Variants in CLCNKA observed in about 807,000 individuals in gnomAD.
CLCNKA encodes chloride voltage-gated channel Ka.
A neutral mutation model predicts 83.3 loss-of-function variants in CLCNKA; 66 were observed. The observed-to-expected ratio is 0.79, with a 90% CI of 0.65 to 0.97. CLCNKA has a LOEUF of 0.97. Among genes scored for constraint, CLCNKA ranks in the 50% least tolerant of loss-of-function variants. The pLI is 0.00. For missense variants in CLCNKA, 806 were observed against 888.7 expected, an observed-to-expected ratio of 0.91 and a Z score of 1.18; for synonymous variants, 357 against 370.4, an observed-to-expected ratio of 0.96 and a Z score of 0.42.
At chr1:16,025,993 A>G in intron 4 of CLCNKA, 115 bp from the exon 5 acceptor site, 1 of 1,398,040 alleles carries the variant, frequency 7.2e-7, no homozygotes. Flanking sequence ...TGACCTCGCG[A>G]TCCGCCTGCC....
rs1183177178 is a variant in CLCNKA, at chr1:16,030,646, C to T, written c.1594C>T (p.Leu532=). The T allele has an allele frequency of 1.2e-6, 2 of 1,613,296 alleles. No homozygotes were observed. Among genetic ancestry groups the T allele is most frequent in the South Asian group, 1.1e-5 (1 of 91,092 alleles). ...CATCATTGTCAAGAAGCTGCCATAC[C>T]TGCCACGGATTCTGGGCCGCAACAT... ...GTIIVKKLPY[L]PRILGRNIGS... is the part of the protein sequence containing the mutation. The change falls in exon 15 of 20, where the codon CTG becomes TTG. Residue 532 remains leucine (L), a synonymous_variant. Coordinates refer to ENST00000331433, the MANE Select transcript of CLCNKA (RefSeq NM_004070.4).
chr1:16,033,644 C>G lies in CLCNKA; in HGVS notation c.2050C>G (p.Pro684Ala). Residue 684 changes from proline (P) to alanine (A), a missense_variant, in exon 20 of 20, where the codon CCA becomes GCA. Physicochemically the swap from Pro to Ala is conservative, Grantham distance 27. Coordinates refer to ENST00000331433, the MANE Select transcript of CLCNKA (RefSeq NM_004070.4). ...KKAISNLTNPPAPK is the reference protein window; with the variant it reads ...KKAISNLTNPAAPK ...AGCAATTTCCAACCTGACAAATCCG[C>G]CAGCTCCAAAGTGAGCCGGCCCAGC... 6.3e-7 allele frequency: 1 copy of G among 1,596,510 alleles called. No individual in the cohort carries two copies. The highest frequency in any genetic ancestry group is 1.4e-5 in the African/African-American group (1 of 72,956).
intron 8 of CLCNKA, 113 bp from the exon 9 acceptor site, chr1:16,027,708 A>G (rs1332357864): frequency 2.9e-5 from 43 of 1,508,038 alleles, no homozygotes; most frequent in Non-Finnish European, 3.6e-5. Context: ...ATGCCAGGAC[A>G]CAGATTCCGA....
At chr1:16,028,475 G>A in intron 10 of CLCNKA, 2 of 624,996 alleles carry the variant, frequency 3.2e-6, no homozygotes, top group Admixed American at 2.3e-5. Flanking sequence ...CCCCGGCCCG[G>A]CCCACTGTCT....
rs780634575 is a variant in CLCNKA, at chr1:16,030,022, T to C, written c.1355T>C (p.Ile452Thr). 15 of 1,610,982 alleles carry C rather than the reference T, an allele frequency of 9.3e-6. No individual in the cohort carries two copies. The Admixed American group carries it at 1.5e-4, about 16-fold the overall frequency. ...CTTGCCGTCGCCTTCCCTGAGGGCA[T>C]TGTGACTGGAGGGGTTACCAATCCC... is the stretch of plus-strand genomic sequence containing the variant. The part of the protein sequence containing the change: ...EALAVAFPEG[I>T]VTGGVTNPIM... Residue 452 changes from isoleucine (I) to threonine (T), a missense_variant, in exon 14 of 20, where the codon ATT (isoleucine) becomes ACT (threonine). By Grantham distance (89) the Ile-to-Thr change is moderately conservative (BLOSUM62 -1). Transcript: ENST00000331433.
At chr1:16,033,368 A>G in intron 19 of CLCNKA, 112 bp downstream of exon 19, 1 of 1,261,860 alleles carries the variant, frequency 7.9e-7, no homozygotes, top group Non-Finnish European at 1.1e-6. Flanking sequence ...GGGGGGATTC[A>G]GAGGATACTT....
chr1:16,022,795 C>A, intron 2 of CLCNKA, 76 bp downstream of exon 2: 1 of 1,073,616 alleles, frequency 9.3e-7, no homozygotes, highest in Non-Finnish European at 1.3e-6. Flanking sequence ...CACCCCACCT[C>A]TCTGCCCAGG....
chr1:16,026,932 G>A (rs1271858673), intron 7 of CLCNKA, 157 bp downstream of exon 7: 4 of 934,190 alleles, frequency 4.3e-6, no homozygotes, highest in African/African-American at 1.6e-5. Context: ...CCCGGGGGCG[G>A]CGGGGCGGGG....
At chr1:16,031,360 C>G (rs2022617901) in intron 15 of CLCNKA, among the ~76,000 whole-genome samples, 1 of 152,172 alleles carries the variant, frequency 6.6e-6, no homozygotes, top group African/African-American at 2.4e-5. Flanking sequence ...GTACTCCAAT[C>G]TCATTATTCA....
chr1:16,022,965 T>C lies in CLCNKA; in HGVS notation c.100+246T>C, dbSNP rs9442214. ...CAGCCCAAGGCCTGGTCACTGTGCC[T>C]ATCTTCCACCCAGGCCTCTCCCTCA... On this transcript the variant is annotated intron_variant, in intron 2 of 19. Coordinates refer to ENST00000331433, the MANE Select transcript of CLCNKA (RefSeq NM_004070.4). 0.7 allele frequency among the ~76,000 whole-genome samples: 106,504 copies of C among 152,196 alleles called. 37,633 individuals carry two copies. Among genetic ancestry groups the C allele is most frequent in the East Asian group, 0.97 (5,051 of 5,184 alleles).
At chr1:16,027,955 G>A in intron 9 of CLCNKA, 50 bp downstream of exon 9, 1 of 1,614,002 alleles carries the variant, frequency 6.2e-7, no homozygotes, top group Non-Finnish European at 8.5e-7. Context: ...TTCCCCCCAA[G>A]GCCTGGACTG....
rs530900969 is a variant in CLCNKA at position 16,026,258 on chromosome 1, G to T, written c.498+11G>T. On this transcript the variant is annotated intron_variant, in intron 5 of 19. Transcript: ENST00000331433. ...TTCCTGGGCAAAGTGGTATGGTCAG[G>T]TGTGAGGGCACCCCAGCCACCCCGC... The T allele has an allele frequency of 6.2e-7, 1 of 1,613,414 alleles. No homozygotes were observed. Among genetic ancestry groups the T allele is most frequent in the Non-Finnish European group, 8.5e-7 (1 of 1,180,012 alleles).
In CLCNKA at chr1:16,023,799, G is replaced by T; in HGVS notation, c.101-1G>T. On this transcript the variant is annotated splice_acceptor_variant, in intron 2 of 19. Transcript: ENST00000331433. LOFTEE classifies it high-confidence loss of function. ...GCTGGGACTCCGATACCCTGCCCCA[G>T]GTGGCCTGGAGTGGCTAAAGCAGAA... is the stretch of plus-strand genomic sequence containing the variant. 6.2e-7 allele frequency: 1 copy of T among 1,614,046 alleles called. No individual in the cohort carries two copies. The highest frequency in any genetic ancestry group is 1.1e-5 in the South Asian group (1 of 91,080).
At position 16,030,514 on chromosome 1, in the gene CLCNKA, GC is replaced by G. The variant is rs1170679095; in HGVS notation, c.1464del (p.Phe489LeufsTer3). On this transcript the variant is annotated frameshift_variant, in exon 15 of 20. Coordinates refer to ENST00000331433, the MANE Select transcript of CLCNKA (RefSeq NM_004070.4). LOFTEE classifies it high-confidence loss of function. ...CCACACCATCTCCACGGCGCTGCTG[GC>G]CTTTGAGCTGACCGGCCAGATAGTG... ...VTHTISTALL[A>X]FELTGQIVHA... 5 of 1,612,984 alleles carry G rather than the reference GC, an allele frequency of 3.1e-6. No homozygotes were observed. In the African/African-American group the frequency reaches 6.7e-5, roughly 22 times the overall value.
chr1:16,026,329 G>A, intron 5 of CLCNKA, 82 bp downstream of exon 5: 2 of 1,567,996 alleles, frequency 1.3e-6, no homozygotes, highest in Non-Finnish European at 1.7e-6. Flanking sequence ...ACCAAAGCTG[G>A]GTCAGAGCAG....
intron 1 of CLCNKA, 30 bp from the exon 2 acceptor site, chr1:16,022,583 C>G (rs1434594559): frequency 6.6e-7 from 1 of 1,510,630 alleles, no homozygotes; most frequent in Admixed American, 2.0e-5. Context: ...AGCAGCTCAC[C>G]CGGGTCCTTC....
At chr1:16,033,099 T>G in intron 18 of CLCNKA, 71 bp from the exon 19 acceptor site, 1 of 1,493,262 alleles carries the variant, frequency 6.7e-7, no homozygotes, top group Non-Finnish European at 9.3e-7. Context: ...CTCAGAGGCG[T>G]GGCAGAGTGG....
In CLCNKA at chr1:16,030,048, A is replaced by G. The variant is rs1185856000; in HGVS notation, c.1381A>G (p.Ile461Val). The G allele has an allele frequency of 6.2e-7, 1 of 1,608,684 alleles. No homozygotes were observed. Among genetic ancestry groups the G allele is most frequent in the African/African-American group, 1.3e-5 (1 of 74,852 alleles). The change falls in exon 14 of 20, where the codon ATC (isoleucine) becomes GTC (valine). Residue 461 changes from isoleucine to valine, a missense_variant. Transcript: ENST00000331433. Reference sequence around the variant, plus strand: ...TGTGACTGGAGGGGTTACCAATCCCATCATGCCCGGGGGGTATGCTCTGGC... The same window carrying G: ...TGTGACTGGAGGGGTTACCAATCCCGTCATGCCCGGGGGGTATGCTCTGGC... ...GIVTGGVTNP[I>V]MPGGYALAGA...
In CLCNKA at chr1:16,027,333, A is replaced by T. The variant is rs200465575; in HGVS notation, c.679A>T (p.Met227Leu). The T allele has an allele frequency of 4.3e-6, 7 of 1,613,318 alleles. No individual in the cohort carries two copies. In the Admixed American group the frequency reaches 1.2e-4, roughly 27 times the overall value. ...AGGCGTCCTGTTCAGCATCGAGGTC[A>T]TGTCTTCCCACTTCTCTGTCCGGGA... ...FSGVLFSIEV[M>L]SSHFSVRDYW... The change falls in exon 8 of 20, where the codon ATG becomes TTG. Residue 227 changes from methionine (M) to leucine (L), a missense_variant. Coordinates refer to ENST00000331433, the MANE Select transcript of CLCNKA (RefSeq NM_004070.4).
Sources: gnomAD v4.1 joint callset for allele counts (sites outside exome capture counted in the v4.1 genomes callset) on GRCh38, gnomAD v4.1.1 for gene constraint, MANE v1.5 for transcripts, NCBI Gene and HGNC (gene_info 2026-07-23, HGNC 2026-07-21) for gene names.